The following CACNA1C variants were observed in gnomAD, a reference collection of about 807,000 sequenced individuals.
The protein encoded by CACNA1C is voltage-dependent L-type calcium channel subunit alpha-1C.
A neutral mutation model predicts 229.0 loss-of-function variants in CACNA1C; 30 were observed. That is an observed-to-expected ratio of 0.13 (90% CI 0.10 to 0.18). CACNA1C has a LOEUF of 0.18. Ranked by LOEUF, CACNA1C falls within the 10% of genes least tolerant of loss-of-function variation. The pLI is 1.00. For synonymous variants in CACNA1C, 1,114 were observed against 1,132.5 expected, an observed-to-expected ratio of 0.98 and a Z score of 0.33; for missense variants, 1,658 against 2,845.0, an observed-to-expected ratio of 0.58 and a Z score of 9.49.
intron 3 of CACNA1C, among the ~76,000 whole-genome samples, chr12:2,164,031 C>T (rs1186709884): frequency 6.6e-6 from 1 of 152,140 alleles, no homozygotes; most frequent in Non-Finnish European, 1.5e-5. Flanking sequence ...TTCTTCTATC[C>T]CTAGGGCCTG....
At chr12:2,260,818 T>A (rs973229232) in intron 3 of CACNA1C, among the ~76,000 whole-genome samples, 1 of 152,234 alleles carries the variant, frequency 6.6e-6, no homozygotes, top group Non-Finnish European at 1.5e-5. Flanking sequence ...GTTCTGAGCC[T>A]TTTTGGTCTC....
Position 2,242,662 on chromosome 12 carries a change from A to G in CACNA1C, c.477+122232A>G, listed in dbSNP as rs551309818. Among the ~76,000 whole-genome samples the G allele has an allele frequency of 6.2e-4, 95 of 152,300 alleles. 2 individuals carry two copies. In the Middle Eastern group the frequency reaches 0.01, roughly 16 times the overall value. Reference sequence around the variant, plus strand: ...GATTCTTTACTTCCTACCTGCTCCTAGTTAGTGAAGCATCGTCATGGAGAG... The same window carrying G: ...GATTCTTTACTTCCTACCTGCTCCTGGTTAGTGAAGCATCGTCATGGAGAG... On this transcript the variant is annotated intron_variant, in intron 3 of 46. Coordinates refer to ENST00000399655, the MANE Select transcript of CACNA1C (RefSeq NM_000719.7).
rs141402505 is a variant in CACNA1C, at chr12:2,296,885, A to C, written c.478-152091A>C. ...ATTATTCCACAGTTTCCAGGGGAAG[A>C]GAAAACTTTACCTGGCTAACACCTT... On this transcript the variant is annotated intron_variant, in intron 3 of 46. Transcript: ENST00000399655. Among the ~76,000 whole-genome samples the C allele has an allele frequency of 9.8e-5, 15 of 152,366 alleles. No individual in the cohort carries two copies. The East Asian group carries it at 2.9e-3, about 29-fold the overall frequency.
chr12:2,320,384 T>G (rs1461681650), intron 3 of CACNA1C, among the ~76,000 whole-genome samples: 1 of 152,244 alleles, frequency 6.6e-6, no homozygotes, highest in African/African-American at 2.4e-5. Flanking sequence ...AAATAAAAAG[T>G]AAGCAGAACC....
At chr12:2,522,115 C>G (rs537518460) in intron 9 of CACNA1C, among the ~76,000 whole-genome samples, 28 of 152,224 alleles carry the variant, frequency 1.8e-4, no homozygotes, top group South Asian at 4.1e-4. Context: ...CCGTGGCCTC[C>G]TAGCCCAGGT....
chr12:2,445,965 T>C (rs550699479), intron 3 of CACNA1C, among the ~76,000 whole-genome samples: 1 of 152,118 alleles, frequency 6.6e-6, no homozygotes, highest in Non-Finnish European at 1.5e-5. Context: ...AGGGTCACTT[T>C]TTGACAATGC....
intron 13 of CACNA1C, among the ~76,000 whole-genome samples, chr12:2,572,063 T>C (rs2154593709): frequency 6.7e-6 from 1 of 150,068 alleles, no homozygotes; most frequent in South Asian, 2.1e-4. Flanking sequence ...TTTTTTACAA[T>C]GTAGTCTGAA....
chr12:2,382,866 C>T (rs994140699), intron 3 of CACNA1C, among the ~76,000 whole-genome samples: 8 of 152,144 alleles, frequency 5.3e-5, no homozygotes, highest in African/African-American at 1.9e-4. Flanking sequence ...CTTATTGACA[C>T]AACCGCCTTT....
chr12:2,324,742 G>A (rs1373490024), intron 3 of CACNA1C, among the ~76,000 whole-genome samples: 4 of 152,058 alleles, frequency 2.6e-5, no homozygotes, highest in African/African-American at 9.7e-5. Context: ...CTTCCTTGGC[G>A]GGCTTGCTTG....
At chr12:2,224,010 C>G (rs1174963439) in intron 3 of CACNA1C, among the ~76,000 whole-genome samples, 2 of 152,160 alleles carry the variant, frequency 1.3e-5, no homozygotes, top group African/African-American at 4.8e-5. Context: ...GAGAATACCT[C>G]TGGAGAAATC....
At chr12:2,170,138 T>C (rs900723057) in intron 3 of CACNA1C, among the ~76,000 whole-genome samples, 2 of 152,232 alleles carry the variant, frequency 1.3e-5, no homozygotes, top group African/African-American at 4.8e-5. Flanking sequence ...TGTCCAACCA[T>C]GGCCAACAGT....
intron 22 of CACNA1C, among the ~76,000 whole-genome samples, chr12:2,604,356 G>C (rs548774168): frequency 6.6e-6 from 1 of 152,148 alleles, no homozygotes; most frequent in Non-Finnish European, 1.5e-5. Context: ...TGTTTCCTGA[G>C]CCCCAACAGC....
chr12:2,493,097 C>T lies in CACNA1C; in HGVS notation c.917-93C>T. The T allele has an allele frequency of 9.2e-7, 1 of 1,089,382 alleles. No individual in the cohort carries two copies. The highest frequency in any genetic ancestry group is 2.0e-4 in the Middle Eastern group (1 of 4,986). The allele number at this position is 1,089,382 out of a possible 1,614,324, so 67.5% of individuals were successfully genotyped here. Reference sequence around the variant, plus strand: ...TGGTTGCTTTGCCCATCCCATCAACCTCATCCTGTCACTTTTCTCTCTGAC... The same window carrying T: ...TGGTTGCTTTGCCCATCCCATCAACTTCATCCTGTCACTTTTCTCTCTGAC... On this transcript the variant is annotated intron_variant, in intron 6 of 46. Transcript: ENST00000399655. This position sits in a 1 kb window ranked among gnomAD's most constrained non-coding sequence, Gnocchi z 4.6.
chr12:2,663,010 A>T (rs552983346), intron 34 of CACNA1C, among the ~76,000 whole-genome samples: 2 of 152,378 alleles, frequency 1.3e-5, no homozygotes, highest in East Asian at 3.9e-4. Context: ...TATTGCGGAA[A>T]AACAAAACTT....
chr12:2,151,730 AG>A (rs1160268222), intron 3 of CACNA1C, among the ~76,000 whole-genome samples: 1 of 152,228 alleles, frequency 6.6e-6, no homozygotes, highest in Non-Finnish European at 1.5e-5. Context: ...GTTACAAAAA[AG>A]TACAGATGAC....
chr12:2,118,085 G>C (rs1359648496), intron 2 of CACNA1C, among the ~76,000 whole-genome samples: 1 of 152,206 alleles, frequency 6.6e-6, no homozygotes, highest in East Asian at 1.9e-4. Flanking sequence ...CTGCCTGATT[G>C]GTTTTTACAC....
At chr12:2,236,534 T>TG (rs942804083) in intron 3 of CACNA1C, among the ~76,000 whole-genome samples, 1 of 152,218 alleles carries the variant, frequency 6.6e-6, no homozygotes, top group African/African-American at 2.4e-5. Flanking sequence ...GGAAAGGTTA[T>TG]GTCCCCCTTT....
At chr12:2,119,557 A>C (rs370289239) in intron 2 of CACNA1C, among the ~76,000 whole-genome samples, 2 of 152,238 alleles carry the variant, frequency 1.3e-5, no homozygotes, top group East Asian at 3.9e-4. Context: ...CTGCACTACT[A>C]CTGGTGAGGG....
intron 3 of CACNA1C, among the ~76,000 whole-genome samples, chr12:2,423,264 G>A (rs1340715047): frequency 6.6e-6 from 1 of 152,126 alleles, no homozygotes; most frequent in Non-Finnish European, 1.5e-5. Context: ...GCACTTGCAT[G>A]TATCTGACCA....
Sources: allele counts gnomAD v4.1 joint callset (sites outside exome capture counted in the v4.1 genomes callset), GRCh38; gene constraint gnomAD v4.1.1; non-coding constraint Gnocchi (gnomAD v3.1); transcripts MANE v1.5; gene names NCBI Gene and HGNC (gene_info 2026-07-23, HGNC 2026-07-21).